Variants in PID1 observed in about 807,000 individuals in gnomAD.
PID1 encodes phosphotyrosine interaction domain containing 1.
A neutral mutation model predicts 19.1 loss-of-function variants in PID1; 10 were observed. The ratio of observed to expected loss-of-function variants is 0.52; its 90% CI spans 0.32 to 0.89. The LOEUF (loss-of-function observed/expected upper bound fraction) is 0.89. PID1 is among the 40% of genes least tolerant of loss of function. PID1 has a pLI of 0.03. For missense variants in PID1, 248 were observed against 285.3 expected, an observed-to-expected ratio of 0.87 and a Z score of 0.94; for synonymous variants, 130 against 116.0, an observed-to-expected ratio of 1.12 and a Z score of -0.78.
At chr2:229,256,973 T>C (rs1320967405) in intron 1 of PID1, among the ~76,000 whole-genome samples, 1 of 152,216 alleles carries the variant, frequency 6.6e-6, no homozygotes, top group African/African-American at 2.4e-5. Flanking sequence ...GGGTGCCTAA[T>C]TTAAAAACCC....
At chr2:229,081,948 G>A (rs1315839620) in intron 2 of PID1, among the ~76,000 whole-genome samples, 1 of 152,200 alleles carries the variant, frequency 6.6e-6, no homozygotes, top group African/African-American at 2.4e-5. Context: ...ACTTCCAGCT[G>A]GCTTTTCAGA....
intron 2 of PID1, among the ~76,000 whole-genome samples, chr2:229,056,885 C>A (rs1694113595): frequency 6.6e-6 from 1 of 152,106 alleles, no homozygotes; most frequent in South Asian, 2.1e-4. Flanking sequence ...AAGAGAGAGG[C>A]AGGATCACCT....
At chr2:229,246,169 A>G (rs1169750202) in intron 1 of PID1, among the ~76,000 whole-genome samples, 1 of 152,206 alleles carries the variant, frequency 6.6e-6, no homozygotes, top group Non-Finnish European at 1.5e-5. Flanking sequence ...GCAATGCTTT[A>G]CATTTAGGTA....
intron 1 of PID1, among the ~76,000 whole-genome samples, chr2:229,249,709 C>A (rs186154707): frequency 1.5e-3 from 235 of 152,194 alleles, no homozygotes; most frequent in African/African-American, 5.5e-3. Context: ...CAACTGGATA[C>A]CAGGAAAGAC....
At chr2:229,245,071 T>C (rs570062977) in intron 1 of PID1, 35 of 152,240 alleles carry the variant, frequency 2.3e-4, no homozygotes, top group African/African-American at 6.5e-4. Context: ...CCAGTAGACA[T>C]GTTTTTCTTT....
intron 2 of PID1, among the ~76,000 whole-genome samples, chr2:229,069,050 A>T (rs1473653780): frequency 6.6e-6 from 1 of 150,892 alleles, no homozygotes; most frequent in Non-Finnish European, 1.5e-5. Flanking sequence ...AACCATCTCT[A>T]CCTCCAGTTT....
chr2:229,143,972 G>A (rs1189385372), intron 2 of PID1, among the ~76,000 whole-genome samples: 3 of 152,090 alleles, frequency 2.0e-5, no homozygotes, highest in Non-Finnish European at 4.4e-5. Flanking sequence ...AGGGGGGAAA[G>A]TCACATACAA....
At chr2:229,135,257 C>T (rs1459585944) in intron 2 of PID1, among the ~76,000 whole-genome samples, 1 of 152,196 alleles carries the variant, frequency 6.6e-6, no homozygotes, top group Non-Finnish European at 1.5e-5. Context: ...TGCTCTTGTC[C>T]ACCATTCAGG....
intron 2 of PID1, among the ~76,000 whole-genome samples, chr2:229,040,330 A>C (rs1693746162): frequency 6.6e-6 from 1 of 151,974 alleles, no homozygotes; most frequent in Non-Finnish European, 1.5e-5. Flanking sequence ...CAAACAAACA[A>C]ACAAACAAAC....
intron 1 of PID1, among the ~76,000 whole-genome samples, chr2:229,181,745 C>T (rs577980865): frequency 1.3e-5 from 2 of 150,002 alleles, no homozygotes; most frequent in East Asian, 3.9e-4. Context: ...TCTTTGTAGA[C>T]ATTATCATTA....
chr2:229,098,157 C>T (rs550362394), intron 2 of PID1, among the ~76,000 whole-genome samples: 2 of 152,294 alleles, frequency 1.3e-5, no homozygotes, highest in African/African-American at 4.8e-5. Flanking sequence ...CTAACAGGTG[C>T]GCTCTGTGCA....
chr2:229,112,324 G>A (rs1005368271), intron 2 of PID1, among the ~76,000 whole-genome samples: 13 of 152,128 alleles, frequency 8.5e-5, no homozygotes, highest in African/African-American at 2.7e-4. Context: ...AGAAGAAAAT[G>A]CCATTGATGA....
intron 1 of PID1, among the ~76,000 whole-genome samples, chr2:229,211,207 G>T (rs185143288): frequency 8.7e-4 from 133 of 152,266 alleles, no homozygotes; most frequent in African/African-American, 3.1e-3. Context: ...ACAAATCAGA[G>T]TGGAGCAAAG....
At chr2:229,125,594 C>T (rs950861629) in intron 2 of PID1, among the ~76,000 whole-genome samples, 4 of 152,146 alleles carry the variant, frequency 2.6e-5, no homozygotes, top group Non-Finnish European at 4.4e-5. Context: ...GAGTTTACTA[C>T]ACTGAAGTAC....
chr2:229,074,286 C>T (rs1475344357), intron 2 of PID1, among the ~76,000 whole-genome samples: 1 of 151,502 alleles, frequency 6.6e-6, no homozygotes, highest in African/African-American at 2.4e-5. Flanking sequence ...CCCAAAAATC[C>T]AGAGCAAAAT....
chr2:229,193,096 T>G (rs1691297929), intron 1 of PID1, among the ~76,000 whole-genome samples: 1 of 152,192 alleles, frequency 6.6e-6, no homozygotes, highest in Non-Finnish European at 1.5e-5. Flanking sequence ...TCTTGTGATT[T>G]AATGGATCAG....
At chr2:229,043,551 C>T (rs1574579522) in intron 2 of PID1, among the ~76,000 whole-genome samples, 1 of 152,290 alleles carries the variant, frequency 6.6e-6, no homozygotes, top group South Asian at 2.1e-4. Flanking sequence ...TCAGCAAGCA[C>T]ATTTATTTTT....
At chr2:229,251,325 C>T (rs998798782) in intron 1 of PID1, among the ~76,000 whole-genome samples, 5 of 151,616 alleles carry the variant, frequency 3.3e-5, no homozygotes, top group Non-Finnish European at 7.4e-5. Context: ...AGAAAGTTAA[C>T]AGTGGCCTGG....
intron 1 of PID1, among the ~76,000 whole-genome samples, chr2:229,185,492 T>C (rs1691109268): frequency 6.6e-6 from 1 of 152,012 alleles, no homozygotes; most frequent in African/African-American, 2.4e-5. Context: ...AAAAAAGAGT[T>C]TTAATTGGGC....
Sources: gnomAD v4.1 joint callset for allele counts (sites outside exome capture counted in the v4.1 genomes callset) on GRCh38, gnomAD v4.1.1 for gene constraint, MANE v1.5 for transcripts, NCBI Gene and HGNC (gene_info 2026-07-23, HGNC 2026-07-21) for gene names.